TNR: variants seen among roughly 807,000 people sequenced by gnomAD.
The protein encoded by TNR is tenascin-R.
TNR carries 45 observed loss-of-function variants against 150.4 expected under a neutral mutation model. The observed-to-expected ratio is 0.30, with a 90% confidence interval of 0.24 to 0.38. The LOEUF (loss-of-function observed/expected upper bound fraction) is 0.38, where lower values mean the gene tolerates loss of function less well. TNR is among the 10% of genes least tolerant of loss of function. TNR has a pLI of 1.00. For synonymous variants in TNR, 687 were observed against 678.4 expected (o/e 1.01, Z -0.20); for missense variants, 1,544 against 1,759.1 (o/e 0.88, Z 2.19).
intron 2 of TNR, among the ~76,000 whole-genome samples, chr1:175,467,668 T>G (rs1404817462): frequency 1.3e-5 from 2 of 152,096 alleles, no homozygotes; most frequent in Non-Finnish European, 1.5e-5. Context: ...CTACTAGTGA[T>G]AGCTGCACTG....
Position 175,354,889 on chromosome 1 carries a change from T to C in TNR, c.3250-366A>G, listed in dbSNP as rs570143757. ...ACTAACTCTGCTGAAATGTATTCTG[T>C]GCTTTTGGTTTCTGCATATGATTTC... On this transcript the variant is annotated intron_variant, in intron 17 of 22. Coordinates refer to ENST00000367674, the MANE Select transcript of TNR (RefSeq NM_003285.3). 2.0e-5 allele frequency among the ~76,000 whole-genome samples: 3 copies of C among 152,356 alleles called. No individual in the cohort carries two copies. The South Asian group carries it at 6.2e-4, about 32-fold the overall frequency.
At chr1:175,655,242 A>C (rs1665137025) in intron 1 of TNR, among the ~76,000 whole-genome samples, 1 of 152,192 alleles carries the variant, frequency 6.6e-6, no homozygotes, top group Admixed American at 6.5e-5. Flanking sequence ...TAAAAAATAC[A>C]ATTCAGCCTC....
At chr1:175,589,480 A>C (rs1277997110) in intron 1 of TNR, among the ~76,000 whole-genome samples, 1 of 152,180 alleles carries the variant, frequency 6.6e-6, no homozygotes, top group Non-Finnish European at 1.5e-5. Flanking sequence ...CTCTCATTTG[A>C]TATTCATAGA....
At chr1:175,522,585 A>G (rs1416399942) in intron 2 of TNR, among the ~76,000 whole-genome samples, 1 of 152,242 alleles carries the variant, frequency 6.6e-6, no homozygotes, top group East Asian at 1.9e-4. Flanking sequence ...GCTTTCTTAA[A>G]TAGAACTTAT....
At chr1:175,495,270 G>A (rs1658438274) in intron 2 of TNR, among the ~76,000 whole-genome samples, 1 of 152,154 alleles carries the variant, frequency 6.6e-6, no homozygotes. Flanking sequence ...ATGAGGGAGT[G>A]ACAACACCTC....
intron 1 of TNR, among the ~76,000 whole-genome samples, chr1:175,736,240 G>A (rs1337280533): frequency 1.3e-5 from 2 of 152,226 alleles, no homozygotes; most frequent in African/African-American, 4.8e-5. Flanking sequence ...AGATGTGGTG[G>A]GCCGGGCGTG....
intron 5 of TNR, 26 bp from the exon 6 acceptor site, chr1:175,393,921 A>C: frequency 1.3e-6 from 2 of 1,551,276 alleles, no homozygotes; most frequent in Non-Finnish European, 1.8e-6. Flanking sequence ...GTAGGTGACA[A>C]TGTCATGGCT....
At chr1:175,698,519 T>A (rs1571764831) in intron 1 of TNR, among the ~76,000 whole-genome samples, 1 of 150,260 alleles carries the variant, frequency 6.7e-6, no homozygotes, top group Non-Finnish European at 1.5e-5. Flanking sequence ...GAGGCTAGAG[T>A]GGAAAGAGCA....
At chr1:175,629,068 G>A (rs1664245392) in intron 1 of TNR, among the ~76,000 whole-genome samples, 1 of 152,178 alleles carries the variant, frequency 6.6e-6, no homozygotes, top group South Asian at 2.1e-4. Context: ...CCATGTGGCA[G>A]GCACATCCTG....
intron 22 of TNR, 74 bp from the exon 23 acceptor site, chr1:175,323,550 A>T (rs937982036): frequency 6.3e-7 from 1 of 1,579,034 alleles, no homozygotes; most frequent in African/African-American, 1.4e-5. Context: ...AGGGGTAATT[A>T]TGGGAACAGG....
At chr1:175,398,849 A>T (rs918412260) in intron 4 of TNR, among the ~76,000 whole-genome samples, 2 of 152,214 alleles carry the variant, frequency 1.3e-5, no homozygotes, top group African/African-American at 4.8e-5. Flanking sequence ...ACAAGAATTT[A>T]AAAAAATATT....
intron 1 of TNR, among the ~76,000 whole-genome samples, chr1:175,614,064 T>C (rs747852729): frequency 1.3e-5 from 2 of 152,234 alleles, no homozygotes; most frequent in Non-Finnish European, 2.9e-5. Context: ...TTACCTTGCA[T>C]GGTTACTGTT....
intron 2 of TNR, among the ~76,000 whole-genome samples, chr1:175,526,044 C>T (rs1659836602): frequency 6.6e-6 from 1 of 151,414 alleles, no homozygotes. Flanking sequence ...TCCCATTTTG[C>T]TTTTATTTTT....
At chr1:175,509,682 C>T (rs1300070614) in intron 2 of TNR, among the ~76,000 whole-genome samples, 1 of 152,176 alleles carries the variant, frequency 6.6e-6, no homozygotes, top group Non-Finnish European at 1.5e-5. Flanking sequence ...ATAACTTGGC[C>T]TAATAGTAAA....
chr1:175,412,088 C>T (rs1654239033), intron 2 of TNR, among the ~76,000 whole-genome samples: 1 of 152,078 alleles, frequency 6.6e-6, no homozygotes, highest in African/African-American at 2.4e-5. Context: ...GGTAGGTCCT[C>T]TTTCTATCTC....
intron 13 of TNR, among the ~76,000 whole-genome samples, chr1:175,363,126 A>G (rs1370919398): frequency 1.3e-5 from 2 of 152,254 alleles, no homozygotes; most frequent in African/African-American, 4.8e-5. Context: ...CAGTCCCCAC[A>G]GTCCAGAGAC....
chr1:175,605,296 A>G (rs541879452), intron 1 of TNR, among the ~76,000 whole-genome samples: 5 of 152,322 alleles, frequency 3.3e-5, no homozygotes, highest in Admixed American at 2.6e-4. Context: ...TATCTGCAAA[A>G]TGGTTATACC....
chr1:175,645,400 C>G (rs945043778), intron 1 of TNR, among the ~76,000 whole-genome samples: 1 of 152,130 alleles, frequency 6.6e-6, no homozygotes, highest in Non-Finnish European at 1.5e-5. Context: ...GAAAAGGGAG[C>G]ATTCTGAGGT....
rs185765517 is a variant in TNR at position 175,432,581 on chromosome 1, T to G, written c.-63-25804A>C. ...ACACGACTTTCTTTCTTACTTTCCT[T>G]CTTTCATTTTCTTTTCCTTCTCTGC... On this transcript the variant is annotated intron_variant, in intron 2 of 22. Coordinates refer to ENST00000367674, the MANE Select transcript of TNR (RefSeq NM_003285.3). 7.9e-5 allele frequency among the ~76,000 whole-genome samples: 12 copies of G among 152,328 alleles called. No homozygotes were observed. The East Asian group carries it at 2.3e-3, about 29-fold the overall frequency.
Sources: gnomAD v4.1 joint callset for allele counts (sites outside exome capture counted in the v4.1 genomes callset) on GRCh38, gnomAD v4.1.1 for gene constraint, MANE v1.5 for transcripts, NCBI Gene and HGNC (gene_info 2026-07-23, HGNC 2026-07-21) for gene names.